The following ETV6 variants were observed in gnomAD, a reference collection of about 807,000 sequenced individuals.
ETV6 encodes the protein ETS variant transcription factor 6, also known as transcription factor ETV6.
ETV6 carries 16 observed loss-of-function variants against 51.1 expected under a neutral mutation model. The observed-to-expected ratio is 0.31, with a 90% CI of 0.21 to 0.48. The LOEUF is 0.48. Among genes scored for constraint, ETV6 ranks in the 20% least tolerant of loss-of-function variants. ETV6 has a pLI of 0.99. For synonymous variants in ETV6, 240 were observed against 224.1 expected, an observed-to-expected ratio of 1.07 and a Z score of -0.64; for missense variants, 458 against 594.8, an observed-to-expected ratio of 0.77 and a Z score of 2.39.
chr12:11,832,402 C>A (rs1400715734), intron 2 of ETV6, among the ~76,000 whole-genome samples: 3 of 152,146 alleles, frequency 2.0e-5, no homozygotes, highest in African/African-American at 7.2e-5. Context: ...CAAATGACAT[C>A]CCAGGGTCGA....
At chr12:11,820,734 G>A (rs1946066702) in intron 2 of ETV6, among the ~76,000 whole-genome samples, 1 of 152,120 alleles carries the variant, frequency 6.6e-6, no homozygotes, top group Non-Finnish European at 1.5e-5. Context: ...GGTCATATAG[G>A]GCCCAGAAGA....
chr12:11,745,194 T>C (rs1865885207), intron 1 of ETV6, among the ~76,000 whole-genome samples: 1 of 152,212 alleles, frequency 6.6e-6, no homozygotes, highest in Non-Finnish European at 1.5e-5. Context: ...TTATAAGCTC[T>C]AACTTACCAG....
chr12:11,704,135 G>A (rs1322668533), intron 1 of ETV6, among the ~76,000 whole-genome samples: 8 of 152,156 alleles, frequency 5.3e-5, no homozygotes, highest in African/African-American at 4.8e-5. Flanking sequence ...GGTAAGCACC[G>A]TGAAAACGGA....
At position 11,895,038 on chromosome 12, in the gene ETV6, A is replaced by T; in HGVS notation, c.*3992A>T. On this transcript the variant is annotated 3_prime_UTR_variant, in exon 8 of 8. Transcript: ENST00000396373. Reference sequence around the variant, plus strand: ...AGGGAGGCACCATAATCCCTCCCTAAAACCCACAGAAGACTAACCTGATAC... The same window carrying T: ...AGGGAGGCACCATAATCCCTCCCTATAACCCACAGAAGACTAACCTGATAC... The T allele has an allele frequency of 1.3e-5, 3 of 233,578 alleles. No individual in the cohort carries two copies. The highest frequency in any genetic ancestry group is 2.5e-5 in the Non-Finnish European group (3 of 118,026). The allele number at this position is 233,578 out of a possible 1,614,324, so 14.5% of individuals were successfully genotyped here.
At chr12:11,749,905 T>G (rs1373293760) in intron 1 of ETV6, among the ~76,000 whole-genome samples, 1 of 152,214 alleles carries the variant, frequency 6.6e-6, no homozygotes, top group Non-Finnish European at 1.5e-5. Context: ...CAAGGTAACC[T>G]CTCTTGTTGC....
intron 1 of ETV6, among the ~76,000 whole-genome samples, chr12:11,724,529 G>GT (rs985928199): frequency 2.0e-4 from 31 of 152,258 alleles, no homozygotes; most frequent in African/African-American, 6.7e-4. Context: ...CTATATGCCG[G>GT]TTACTCTGCT....
chr12:11,851,424 T>C (rs1242308527), intron 3 of ETV6, among the ~76,000 whole-genome samples: 1 of 152,152 alleles, frequency 6.6e-6, no homozygotes, highest in Admixed American at 6.5e-5. Flanking sequence ...TATTTTTGTA[T>C]GAGATTAAAA....
At chr12:11,745,913 C>T in intron 1 of ETV6, among the ~76,000 whole-genome samples, 1 of 152,214 alleles carries the variant, frequency 6.6e-6, no homozygotes, top group East Asian at 1.9e-4. Flanking sequence ...CTTGGTCCTA[C>T]TGATTGTGTC....
rs183374706 is a variant in ETV6 at position 11,871,641 on chromosome 12, T to C, written c.1009+1672T>C. Among the ~76,000 whole-genome samples, 9 of 152,348 alleles carry C rather than the reference T, an allele frequency of 5.9e-5. No individual in the cohort carries two copies. In the East Asian group the frequency reaches 7.7e-4, roughly 13 times the overall value. ...TAAAATGGCAAACAAAAATGACTTATATGTTTTAAAAACTATGAAAAAGGA... is the reference window on the plus strand; with the variant it reads ...TAAAATGGCAAACAAAAATGACTTACATGTTTTAAAAACTATGAAAAAGGA... On this transcript the variant is annotated intron_variant, in intron 5 of 7. Transcript: ENST00000396373.
At chr12:11,866,824 A>T (rs1202771268) in intron 4 of ETV6, among the ~76,000 whole-genome samples, 1 of 152,356 alleles carries the variant, frequency 6.6e-6, no homozygotes, top group East Asian at 1.9e-4. Flanking sequence ...GCTATTCGGT[A>T]ATCAGACAAG....
chr12:11,759,434 G>A (rs1327532732), intron 2 of ETV6, among the ~76,000 whole-genome samples: 1 of 152,084 alleles, frequency 6.6e-6, no homozygotes, highest in Non-Finnish European at 1.5e-5. Flanking sequence ...GGTGCTCTGT[G>A]TTATTTATGT....
At chr12:11,743,099 C>T (rs927098714) in intron 1 of ETV6, among the ~76,000 whole-genome samples, 2 of 152,080 alleles carry the variant, frequency 1.3e-5, no homozygotes, top group African/African-American at 2.4e-5. Flanking sequence ...TGAGCCACTG[C>T]GCCAGACCTC....
At chr12:11,874,753 T>C (rs923448524) in intron 5 of ETV6, among the ~76,000 whole-genome samples, 1 of 151,132 alleles carries the variant, frequency 6.6e-6, no homozygotes, top group African/African-American at 2.4e-5. Context: ...AAATTTTTCA[T>C]AAATTCTTTT....
intron 2 of ETV6, among the ~76,000 whole-genome samples, chr12:11,756,962 C>T (rs542646091): frequency 4.6e-5 from 7 of 152,276 alleles, no homozygotes; most frequent in East Asian, 1.9e-4. Flanking sequence ...GCCATTTGCC[C>T]GCAGACTGTG....
chr12:11,685,251 A>G (rs1864605795), intron 1 of ETV6, among the ~76,000 whole-genome samples: 1 of 151,984 alleles, frequency 6.6e-6, no homozygotes, highest in Admixed American at 6.5e-5. Flanking sequence ...GGAGTACACC[A>G]ATATTGAGCT....
chr12:11,739,753 A>G (rs1354291703), intron 1 of ETV6, among the ~76,000 whole-genome samples: 1 of 152,184 alleles, frequency 6.6e-6, no homozygotes, highest in Non-Finnish European at 1.5e-5. Context: ...TGTTATTTAG[A>G]TGCATTTTAC....
intron 4 of ETV6, among the ~76,000 whole-genome samples, chr12:11,859,325 T>C (rs1219419870): frequency 6.6e-6 from 1 of 151,674 alleles, no homozygotes; most frequent in East Asian, 1.9e-4. Context: ...GTATTTTTAG[T>C]AGAGACAGGG....
chr12:11,722,172 A>C (rs988901437), intron 1 of ETV6, among the ~76,000 whole-genome samples: 9 of 152,226 alleles, frequency 5.9e-5, no homozygotes, highest in African/African-American at 2.2e-4. Context: ...TGTTTTAGCC[A>C]ATAATAATTC....
intron 2 of ETV6, among the ~76,000 whole-genome samples, chr12:11,787,753 A>G (rs1176001852): frequency 6.6e-6 from 1 of 152,216 alleles, no homozygotes; most frequent in Non-Finnish European, 1.5e-5. Context: ...CATGGAGTCT[A>G]TGACATTGCT....
Sources: gnomAD v4.1 joint callset for allele counts (sites outside exome capture counted in the v4.1 genomes callset) on GRCh38, gnomAD v4.1.1 for gene constraint, MANE v1.5 for transcripts, NCBI Gene and HGNC (gene_info 2026-07-23, HGNC 2026-07-21) for gene names.